Variants in C2CD4A observed in about 807,000 individuals in gnomAD.
C2CD4A encodes the protein C2 calcium-dependent domain-containing protein 4A.
C2CD4A carries 2 observed loss-of-function variants against 0.4 expected under a neutral mutation model. The observed-to-expected ratio is 4.45, with a 90% CI of 1.82 to 13.99. C2CD4A has a LOEUF of 13.99. C2CD4A is among the 30% of genes most tolerant of loss of function. The pLI is 0.04. For synonymous variants in C2CD4A, 297 were observed against 280.8 expected, an observed-to-expected ratio of 1.06 and a Z score of -0.58; for missense variants, 610 against 574.2, an observed-to-expected ratio of 1.06 and a Z score of -0.64.
At position 62,069,501 on chromosome 15, in the gene C2CD4A, G is replaced by A. The variant is rs2049070659; in HGVS notation, c.*778G>A. On this transcript the variant is annotated 3_prime_UTR_variant, in exon 2 of 2. Coordinates refer to ENST00000355522, the MANE Select transcript of C2CD4A (RefSeq NM_207322.3). ...TGGGGCTGAGGCGCAAGGATCACTT[G>A]AGCCTGGGAGGTCAAGGCTGCAGTG... 6.5e-6 allele frequency: 1 copy of A among 154,032 alleles called. No homozygotes were observed. 9.5% of individuals were successfully genotyped at this position (154,032 alleles called of 1,614,324 possible).
chr15:62,070,286 T>C lies in C2CD4A; in HGVS notation c.*1563T>C, dbSNP rs2140848138. ...TCCATTATCAATCTGGATTCAGAAA[T>C]GGTTTCTGCTTTATTTTATTTCATT... On this transcript the variant is annotated 3_prime_UTR_variant, in exon 2 of 2. Coordinates refer to ENST00000355522, the MANE Select transcript of C2CD4A (RefSeq NM_207322.3). 2.4e-6 allele frequency: 1 copy of C among 413,136 alleles called. No individual in the cohort carries two copies. Among genetic ancestry groups the C allele is most frequent in the Non-Finnish European group, 4.4e-6 (1 of 226,136 alleles). 25.6% of individuals were successfully genotyped at this position (413,136 alleles called of 1,614,324 possible).
At position 62,068,331 on chromosome 15, in the gene C2CD4A, GA is replaced by G; in HGVS notation, c.719del (p.Glu240GlyfsTer147). 1 of 1,414,418 alleles carries G rather than the reference GA, an allele frequency of 7.1e-7. No individual in the cohort carries two copies. Among genetic ancestry groups the G allele is most frequent in the Non-Finnish European group, 9.2e-7 (1 of 1,085,028 alleles). The allele number at this position is 1,414,418 out of a possible 1,614,324, so 87.6% of individuals were successfully genotyped here. On this transcript the variant is annotated frameshift_variant, in exon 2 of 2. Transcript: ENST00000355522. Reference sequence around the variant, plus strand: ...GCCGTCGTCCCGGGTCCCGTTTCCCGAGCGCCTGGAGGCCGAGGGCACCGTG... The same window carrying G: ...GCCGTCGTCCCGGGTCCCGTTTCCCGGCGCCTGGAGGCCGAGGGCACCGTG... Reference protein sequence around the residue: ...SPPSSRVPFPERLEAEGTVAL... With the variant: ...SPPSSRVPFPXRLEAEGTVAL...
Position 62,068,355 on chromosome 15 carries a change from G to A in C2CD4A, c.742G>A (p.Val248Met), listed in dbSNP as rs1390185090. The A allele has an allele frequency of 2.1e-6, 3 of 1,399,038 alleles. No homozygotes were observed. Among genetic ancestry groups the A allele is most frequent in the South Asian group, 1.5e-5 (1 of 65,926 alleles). The allele number at this position is 1,399,038 out of a possible 1,614,324, so 86.7% of individuals were successfully genotyped here. Residue 248 changes from valine (V) to methionine (M), a missense_variant, in exon 2 of 2, where the codon GTG (valine) becomes ATG (methionine). Transcript: ENST00000355522. ...CGAGCGCCTGGAGGCCGAGGGCACCGTGGCTCTGGGCCGCGCCGGCGACGC... is the reference window on the plus strand; with the variant it reads ...CGAGCGCCTGGAGGCCGAGGGCACCATGGCTCTGGGCCGCGCCGGCGACGC... ...FPERLEAEGT[V>M]ALGRAGDALR...
Position 62,068,797 on chromosome 15 carries a change from T to C in C2CD4A, c.*74T>C. On this transcript the variant is annotated 3_prime_UTR_variant, in exon 2 of 2. Coordinates refer to ENST00000355522, the MANE Select transcript of C2CD4A (RefSeq NM_207322.3). The stretch of plus-strand genomic sequence containing the variant: ...ACAGCCGCGTGGTACAAAATAAACG[T>C]GTATTTGTTGTTCTTATCAGTCCCG... The C allele has an allele frequency of 7.1e-7, 1 of 1,415,654 alleles. No homozygotes were observed. The highest frequency in any genetic ancestry group is 2.7e-5 in the East Asian group (1 of 37,328). 87.7% of individuals were successfully genotyped at this position (1,415,654 alleles called of 1,614,324 possible). A position where few individuals can be genotyped will look rare whatever the true frequency, so the allele number is the denominator to read the frequency against.
rs763181125 is a variant in C2CD4A, at chr15:62,067,800, G to T, written c.187G>T (p.Ala63Ser). 6 of 1,612,462 alleles carry T rather than the reference G, an allele frequency of 3.7e-6. No homozygotes were observed. Among genetic ancestry groups the T allele is most frequent in the Non-Finnish European group, 3.4e-6 (4 of 1,179,878 alleles). The change falls in exon 2 of 2, where the codon GCG (alanine) becomes TCG (serine). Residue 63 changes from alanine (A) to serine (S), a missense_variant. Coordinates refer to ENST00000355522, the MANE Select transcript of C2CD4A (RefSeq NM_207322.3). ...PRLMPRLALA[A>S]LRNSWVEEAG... ...GCTCATGCCCCGCCTGGCCTTGGCT[G>T]CGCTCCGGAATTCTTGGGTCGAAGA...
rs1248424215 is a variant in C2CD4A at position 62,068,196 on chromosome 15, G to A, written c.583G>A (p.Ala195Thr). The A allele has an allele frequency of 2.3e-6, 3 of 1,331,740 alleles. No individual in the cohort carries two copies. Among genetic ancestry groups the A allele is most frequent in the South Asian group, 1.9e-5 (1 of 52,706 alleles). 82.5% of individuals were successfully genotyped at this position (1,331,740 alleles called of 1,614,324 possible). A position where few individuals can be genotyped will look rare whatever the true frequency, so the allele number is the denominator to read the frequency against. The change falls in exon 2 of 2, where the codon GCT becomes ACT. Residue 195 changes from alanine (A) to threonine (T), a missense_variant. Physicochemically the swap from Ala to Thr is moderately conservative, Grantham distance 58. Coordinates refer to ENST00000355522, the MANE Select transcript of C2CD4A (RefSeq NM_207322.3). ...CGGGCTGCTGAGTCGCGCGCTGCGGGCTGGGAGGAGTCGCCGCCTGACCCG... is the reference window on the plus strand; with the variant it reads ...CGGGCTGCTGAGTCGCGCGCTGCGGACTGGGAGGAGTCGCCGCCTGACCCG... ...PDGLLSRALR[A>T]GRSRRLTRVR...
Position 62,067,984 on chromosome 15 carries a change from G to A in C2CD4A, c.371G>A (p.Gly124Asp), listed in dbSNP as rs750412239. 37 of 1,399,372 alleles carry A rather than the reference G, an allele frequency of 2.6e-5. No homozygotes were observed. In the South Asian group the frequency reaches 4.5e-4, roughly 17 times the overall value. 86.7% of individuals were successfully genotyped at this position (1,399,372 alleles called of 1,614,324 possible). The stretch of plus-strand genomic sequence containing the variant: ...CGCAAGGAGTCGCTCCTGCTCGGGG[G>A]CCCGCCCGCGCCCCGGCCCCGGGCC... ...TRRKESLLLG[G>D]PPAPRPRAHT... The change falls in exon 2 of 2, where the codon GGC becomes GAC. Residue 124 changes from glycine (G) to aspartate (D), a missense_variant. Transcript: ENST00000355522.
chr15:62,070,387 T>G lies in C2CD4A; in HGVS notation c.*1664T>G. 2.4e-6 allele frequency: 1 copy of G among 413,440 alleles called. No individual in the cohort carries two copies. The highest frequency in any genetic ancestry group is 4.4e-5 in the Admixed American group (1 of 22,750). 25.6% of individuals were successfully genotyped at this position (413,440 alleles called of 1,614,324 possible). A position where few individuals can be genotyped will look rare whatever the true frequency, so the allele number is the denominator to read the frequency against. Reference sequence around the variant, plus strand: ...GGTGTGATCATAGCTCACTGCAGCCTCTACCTCCTGACACAAGCTGTCATC... The same window carrying G: ...GGTGTGATCATAGCTCACTGCAGCCGCTACCTCCTGACACAAGCTGTCATC... On this transcript the variant is annotated 3_prime_UTR_variant, in exon 2 of 2. Transcript: ENST00000355522.
Position 62,068,081 on chromosome 15 carries a change from G to T in C2CD4A, c.468G>T (p.Pro156=). 8.8e-7 allele frequency: 1 copy of T among 1,130,688 alleles called. No homozygotes were observed. The highest frequency in any genetic ancestry group is 1.1e-6 in the Non-Finnish European group (1 of 925,948). 70.0% of individuals were successfully genotyped at this position (1,130,688 alleles called of 1,614,324 possible). A position where few individuals can be genotyped will look rare whatever the true frequency, so the allele number is the denominator to read the frequency against. ...TGCGCGTCCCGCGAGCTCCGGGCCC[G>T]GCGACCCCCGCGGCCCCCGGCTGTC... is the stretch of plus-strand genomic sequence containing the variant. ...GTLRVPRAPG[P]ATPAAPGCPR... The change falls in exon 2 of 2, where the codon CCG becomes CCT. Residue 156 remains proline, a synonymous_variant. Transcript: ENST00000355522.
chr15:62,067,724 C>A lies in C2CD4A; in HGVS notation c.111C>A (p.Cys37Ter). ...CCAAGTCTCGCACCACCGCCGCGTG[C>A]GCAAATGTGCTCACTCCGGACCGCA... ...RGAKSRTTAA[C>*]ANVLTPDRIP... Residue 37 changes from cysteine (C) to a stop codon, truncating the protein, a stop_gained, in exon 2 of 2, where the codon TGC (cysteine) becomes TGA (stop). Coordinates refer to ENST00000355522, the MANE Select transcript of C2CD4A (RefSeq NM_207322.3). LOFTEE classifies it low-confidence loss of function (END_TRUNC). 1 of 1,611,854 alleles carries A rather than the reference C, an allele frequency of 6.2e-7. No homozygotes were observed. Among genetic ancestry groups the A allele is most frequent in the Non-Finnish European group, 8.5e-7 (1 of 1,179,952 alleles).
At chr15:62,067,544 G>T in intron 1 of C2CD4A, 41 bp from the exon 2 acceptor site, 1 of 1,475,714 alleles carries the variant, frequency 6.8e-7, no homozygotes, top group East Asian at 2.3e-5. Context: ...TGCACCTTGC[G>T]GGACTCGCTC....
chr15:62,070,600 T>C lies in C2CD4A; in HGVS notation c.*1877T>C, dbSNP rs1007741110. 2 of 413,192 alleles carry C rather than the reference T, an allele frequency of 4.8e-6. No individual in the cohort carries two copies. Among genetic ancestry groups the C allele is most frequent in the Non-Finnish European group, 8.8e-6 (2 of 226,020 alleles). 25.6% of individuals were successfully genotyped at this position (413,192 alleles called of 1,614,324 possible). On this transcript the variant is annotated 3_prime_UTR_variant, in exon 2 of 2. Transcript: ENST00000355522. ...AAAAAGAAAAGAGTTTCTGTTTCAGTCACAAATTAGGGTTATTGTGATGTG... is the reference window on the plus strand; with the variant it reads ...AAAAAGAAAAGAGTTTCTGTTTCAGCCACAAATTAGGGTTATTGTGATGTG...
In C2CD4A at chr15:62,068,243, G is replaced by A; in HGVS notation, c.630G>A (p.Gly210=). Reference sequence around the variant, plus strand: ...CCCGCGTCCGCTCCGTCTCCAGCGGGAACGAGGACAAGGAGCGCCGCGCGG... The same window carrying A: ...CCCGCGTCCGCTCCGTCTCCAGCGGAAACGAGGACAAGGAGCGCCGCGCGG... The part of the protein sequence containing the change: ...RLTRVRSVSS[G]NEDKERRAGS... The change falls in exon 2 of 2, where the codon GGG becomes GGA. Residue 210 remains glycine (G), a synonymous_variant. Transcript: ENST00000355522. The A allele has an allele frequency of 2.2e-6, 3 of 1,375,990 alleles. No homozygotes were observed. Among genetic ancestry groups the A allele is most frequent in the East Asian group, 3.1e-5 (1 of 31,836 alleles). The allele number at this position is 1,375,990 out of a possible 1,614,324, so 85.2% of individuals were successfully genotyped here.
In C2CD4A at chr15:62,067,776, C is replaced by G; in HGVS notation, c.163C>G (p.Leu55Val). ...RIPEFCIPPR[L>V]MPRLALAALR... ...CCCTGAGTTCTGCATCCCGCCACGG[C>G]TCATGCCCCGCCTGGCCTTGGCTGC... The change falls in exon 2 of 2, where the codon CTC becomes GTC. Residue 55 changes from leucine (L) to valine (V), a missense_variant. By Grantham distance (32) the Leu-to-Val change is conservative. Transcript: ENST00000355522. The G allele has an allele frequency of 6.2e-7, 1 of 1,613,090 alleles. No homozygotes were observed. The highest frequency in any genetic ancestry group is 8.5e-7 in the Non-Finnish European group (1 of 1,179,934).
chr15:62,068,808 T>C lies in C2CD4A; in HGVS notation c.*85T>C, dbSNP rs1173093064. The stretch of plus-strand genomic sequence containing the variant: ...GTACAAAATAAACGTGTATTTGTTG[T>C]TCTTATCAGTCCCGTTTCAGTACAA... On this transcript the variant is annotated 3_prime_UTR_variant, in exon 2 of 2. Coordinates refer to ENST00000355522, the MANE Select transcript of C2CD4A (RefSeq NM_207322.3). The C allele has an allele frequency of 2.6e-5, 37 of 1,402,530 alleles. No individual in the cohort carries two copies. The East Asian group carries it at 1.0e-3, about 38-fold the overall frequency. The allele number at this position is 1,402,530 out of a possible 1,614,324, so 86.9% of individuals were successfully genotyped here.
intron 1 of C2CD4A, 34 bp downstream of exon 1, chr15:62,067,122 TCCCTGGGG>T: frequency 6.5e-6 from 1 of 153,792 alleles, no homozygotes; most frequent in Admixed American, 6.5e-5. Context: ...CTTGCTTAAT[TCCCTGGGG>T]GATTCGTCTG....
In C2CD4A at chr15:62,067,841, G is replaced by C. The variant is rs1184616558; in HGVS notation, c.228G>C (p.Glu76Asp). 4 of 1,610,024 alleles carry C rather than the reference G, an allele frequency of 2.5e-6. No homozygotes were observed. The highest frequency in any genetic ancestry group is 3.4e-6 in the Non-Finnish European group (4 of 1,179,700). Residue 76 changes from glutamate to aspartate, a missense_variant, in exon 2 of 2, where the codon GAG becomes GAC. Glu to Asp is a conservative substitution (Grantham distance 45). Coordinates refer to ENST00000355522, the MANE Select transcript of C2CD4A (RefSeq NM_207322.3). ...NSWVEEAGMD[E>D]GAGRTDWDPR... ...GGGTCGAAGAAGCAGGGATGGACGA[G>C]GGCGCCGGCCGCACAGACTGGGACC... is the stretch of plus-strand genomic sequence containing the variant.
Position 62,069,670 on chromosome 15 carries a change from A to G in C2CD4A, c.*947A>G, listed in dbSNP as rs2049072158. The G allele has an allele frequency of 6.0e-6, 1 of 167,102 alleles. No individual in the cohort carries two copies. The highest frequency in any genetic ancestry group is 2.4e-5 in the African/African-American group (1 of 41,470). 10.4% of individuals were successfully genotyped at this position (167,102 alleles called of 1,614,324 possible). A position where few individuals can be genotyped will look rare whatever the true frequency, so the allele number is the denominator to read the frequency against. ...GGAGGCACTGCTATGCCCATTTTAC[A>G]GATGAGGATATTGAGGCACAGAATA... On this transcript the variant is annotated 3_prime_UTR_variant, in exon 2 of 2. Transcript: ENST00000355522.
chr15:62,070,775 A>T lies in C2CD4A; in HGVS notation c.*2052A>T, dbSNP rs2049078687. 1 of 346,292 alleles carries T rather than the reference A, an allele frequency of 2.9e-6. No homozygotes were observed. The highest frequency in any genetic ancestry group is 2.1e-5 in the African/African-American group (1 of 47,596). The allele number at this position is 346,292 out of a possible 1,614,324, so 21.5% of individuals were successfully genotyped here. On this transcript the variant is annotated 3_prime_UTR_variant, in exon 2 of 2. Coordinates refer to ENST00000355522, the MANE Select transcript of C2CD4A (RefSeq NM_207322.3). Reference sequence around the variant, plus strand: ...CTATCATGTGCTCTTCTATCTAATCAGTCAATATTTCCTTGGCCCTCAAGC... The same window carrying T: ...CTATCATGTGCTCTTCTATCTAATCTGTCAATATTTCCTTGGCCCTCAAGC...
Sources: gnomAD v4.1 joint callset for allele counts on GRCh38, gnomAD v4.1.1 for gene constraint, MANE v1.5 for transcripts, NCBI Gene and HGNC (gene_info 2026-07-23, HGNC 2026-07-21) for gene names.